Variants in FAT3 observed in about 807,000 individuals in gnomAD.
FAT3 encodes protocadherin Fat 3.
In FAT3, 95 loss-of-function variants were observed where a neutral mutation model predicts 310.2. The observed-to-expected ratio is 0.31, with a 90% CI of 0.26 to 0.36. The LOEUF is 0.36. Ranked by LOEUF, FAT3 falls within the 10% of genes least tolerant of loss-of-function variation. The pLI, the probability that FAT3 is intolerant of heterozygous loss-of-function variation, is 1.00. For synonymous variants in FAT3, 2,314 were observed against 2,192.9 expected (o/e 1.06, Z -1.54); for missense variants, 5,408 against 5,715.6 (o/e 0.95, Z 1.74).
chr11:92,743,873 GC>G (rs1460472745), intron 4 of FAT3, among the ~76,000 whole-genome samples: 3 of 152,138 alleles, frequency 2.0e-5, no homozygotes, highest in Non-Finnish European at 4.4e-5. Context: ...AGTACATACA[GC>G]CCCCTTCCTA....
intron 3 of FAT3, among the ~76,000 whole-genome samples, chr11:92,564,414 T>G (rs1449700845): frequency 1.3e-5 from 2 of 149,904 alleles, no homozygotes. Flanking sequence ...ACAAAGAGAC[T>G]TAGACTCCCA....
chr11:92,460,121 T>G (rs1045147075), intron 2 of FAT3, among the ~76,000 whole-genome samples: 1 of 152,222 alleles, frequency 6.6e-6, no homozygotes, highest in African/African-American at 2.4e-5. Context: ...TGGGCATGGC[T>G]TAATGTTAGG....
intron 2 of FAT3, among the ~76,000 whole-genome samples, chr11:92,507,882 C>T (rs746097668): frequency 2.0e-4 from 31 of 151,864 alleles, no homozygotes; most frequent in Non-Finnish European, 3.4e-4. Flanking sequence ...CCCCTATAAC[C>T]GAATCAACCA....
chr11:92,386,333 A>G (rs1949618130), intron 2 of FAT3, among the ~76,000 whole-genome samples: 1 of 152,226 alleles, frequency 6.6e-6, no homozygotes, highest in Non-Finnish European at 1.5e-5. Flanking sequence ...CTGATAAAAT[A>G]TGGACACCTA....
At chr11:92,394,976 CA>C (rs1016445466) in intron 2 of FAT3, among the ~76,000 whole-genome samples, 2 of 152,180 alleles carry the variant, frequency 1.3e-5, no homozygotes, top group African/African-American at 4.8e-5. Context: ...TTTTCTGCCA[CA>C]CCCATTGGCT....
At chr11:92,367,695 C>G (rs1311367009) in intron 2 of FAT3, among the ~76,000 whole-genome samples, 1 of 152,136 alleles carries the variant, frequency 6.6e-6, no homozygotes, top group East Asian at 1.9e-4. Flanking sequence ...TAATTGTACA[C>G]CATGTGGTAC....
At chr11:92,706,003 G>A (rs1453025755) in intron 4 of FAT3, among the ~76,000 whole-genome samples, 1 of 151,414 alleles carries the variant, frequency 6.6e-6, no homozygotes, top group Non-Finnish European at 1.5e-5. Context: ...GGTGGTGGTG[G>A]TGGAGGAGAT....
At chr11:92,688,114 A>G (rs1943687716) in intron 3 of FAT3, among the ~76,000 whole-genome samples, 1 of 151,974 alleles carries the variant, frequency 6.6e-6, no homozygotes, top group South Asian at 2.1e-4. Flanking sequence ...AGTGAGGAGT[A>G]TTGCCTGAGC....
At chr11:92,845,102 G>A (rs1173681760) in intron 19 of FAT3, among the ~76,000 whole-genome samples, 1 of 152,208 alleles carries the variant, frequency 6.6e-6, no homozygotes, top group East Asian at 1.9e-4. Flanking sequence ...GGGGCAGCTT[G>A]CATGAGGAAG....
At chr11:92,226,526 T>A (rs1262343157) in intron 1 of FAT3, among the ~76,000 whole-genome samples, 1 of 151,294 alleles carries the variant, frequency 6.6e-6, no homozygotes, top group Non-Finnish European at 1.5e-5. Flanking sequence ...GGGGTGTGGG[T>A]GTGCTGGCGG....
chr11:92,558,253 T>C lies in FAT3; in HGVS notation c.3607+33305T>C, dbSNP rs187758435. 1.1e-3 allele frequency among the ~76,000 whole-genome samples: 169 copies of C among 152,278 alleles called. 1 individual carries two copies. The highest frequency in any genetic ancestry group is 2.1e-3 in the Non-Finnish European group (145 of 68,034). Reference sequence around the variant, plus strand: ...TGATAGGAATTTATTTTAGTAACTATAGAAAATGTTTATTTAGGTAAGAGG... The same window carrying C: ...TGATAGGAATTTATTTTAGTAACTACAGAAAATGTTTATTTAGGTAAGAGG... On this transcript the variant is annotated intron_variant, in intron 3 of 27. Coordinates refer to ENST00000525166, the MANE Select transcript of FAT3 (RefSeq NM_001367949.2).
At chr11:92,765,163 A>AG (rs112861336) in intron 6 of FAT3, 74 bp downstream of exon 6, 1 of 1,261,286 alleles carries the variant, frequency 7.9e-7, no homozygotes, top group Non-Finnish European at 1.1e-6. Flanking sequence ...AAAAAAAAAA[A>AG]GAAAGAAAGC....
At chr11:92,789,832 G>C (rs1455858547) in intron 7 of FAT3, 111 bp from the exon 8 acceptor site, 23 of 1,089,562 alleles carry the variant, frequency 2.1e-5, no homozygotes, top group Admixed American at 6.7e-5. Context: ...AGAGCTACTA[G>C]AAGCTAGGAT....
At chr11:92,596,642 T>C (rs2135574749) in intron 3 of FAT3, among the ~76,000 whole-genome samples, 1 of 152,304 alleles carries the variant, frequency 6.6e-6, no homozygotes, top group East Asian at 1.9e-4. Context: ...TGTTATCCAA[T>C]TATAAGAACA....
chr11:92,357,133 G>C (rs544842207), intron 2 of FAT3, among the ~76,000 whole-genome samples: 12 of 152,162 alleles, frequency 7.9e-5, no homozygotes, highest in Non-Finnish European at 1.3e-4. Flanking sequence ...CCTTTACTGA[G>C]TGCCTACTCT....
At chr11:92,411,131 A>G (rs1413906136) in intron 2 of FAT3, among the ~76,000 whole-genome samples, 1 of 110,358 alleles carries the variant, frequency 9.1e-6, no homozygotes, top group Non-Finnish European at 1.8e-5. Flanking sequence ...TTTATATATT[A>G]TATATTATAT....
chr11:92,311,167 C>G (rs975189772), intron 1 of FAT3, among the ~76,000 whole-genome samples: 7 of 151,902 alleles, frequency 4.6e-5, no homozygotes, highest in African/African-American at 1.7e-4. Flanking sequence ...ATTGTTATCT[C>G]TCGGAAAAAT....
At chr11:92,817,215 G>A (rs973956809) in intron 13 of FAT3, among the ~76,000 whole-genome samples, 1 of 152,156 alleles carries the variant, frequency 6.6e-6, no homozygotes, top group Non-Finnish European at 1.5e-5. Flanking sequence ...GGAAAGGTGA[G>A]CGGGAGTCAG....
At chr11:92,554,461 CAAAAAAAAAAAAAAAAAA>C (rs56918849) in intron 3 of FAT3, among the ~76,000 whole-genome samples, 4 of 55,010 alleles carry the variant, frequency 7.3e-5, no homozygotes, top group Admixed American at 2.8e-4. Context: ...GACTCCATCT[CAAAAAAAAAAAAAAAAAA>C]AAAAAAAAAA....
Sources: allele counts gnomAD v4.1 joint callset (sites outside exome capture counted in the v4.1 genomes callset), GRCh38; gene constraint gnomAD v4.1.1; transcripts MANE v1.5; gene names NCBI Gene and HGNC (gene_info 2026-07-23, HGNC 2026-07-21).